Variants in GTF2B observed in about 807,000 individuals in gnomAD.
GTF2B encodes the protein general transcription factor IIB.
In GTF2B, 20 loss-of-function variants were observed where a neutral mutation model predicts 34.6. That is an observed-to-expected ratio of 0.58 (90% CI 0.41 to 0.84). The LOEUF (loss-of-function observed/expected upper bound fraction) is 0.84, where lower values mean the gene tolerates loss of function less well. Ranked by LOEUF, GTF2B falls within the 40% of genes least tolerant of loss-of-function variation. GTF2B has a pLI of 0.00. For missense variants in GTF2B, 237 were observed against 393.3 expected (o/e 0.60, Z 3.36); for synonymous variants, 142 against 132.4 (o/e 1.07, Z -0.50).
In GTF2B at chr1:88,864,095, C is replaced by T. The variant is rs748771103; in HGVS notation, c.144G>A (p.Val48=). ...TGCTGAAAGTTCGCCATTCAGATCC[C>T]ACATCAATAACCCGGTCACCTAAGA... The part of the protein sequence containing the change: ...GLVVGDRVID[V]GSEWRTFSND... Residue 48 remains valine (V), a synonymous_variant, in exon 3 of 7, where the codon GTG becomes GTA. Coordinates refer to ENST00000370500, the MANE Select transcript of GTF2B (RefSeq NM_001514.6). The T allele has an allele frequency of 1.9e-6, 3 of 1,613,978 alleles. No individual in the cohort carries two copies. The South Asian group carries it at 3.3e-5, about 18-fold the overall frequency.
intron 2 of GTF2B, among the ~76,000 whole-genome samples, chr1:88,871,272 T>C (rs1673688391): frequency 6.6e-6 from 1 of 152,218 alleles, no homozygotes; most frequent in Non-Finnish European, 1.5e-5. Flanking sequence ...AATACTTACA[T>C]GTTAGGATAA....
At chr1:88,883,726 C>T (rs1673996533) in intron 2 of GTF2B, among the ~76,000 whole-genome samples, 1 of 152,050 alleles carries the variant, frequency 6.6e-6, no homozygotes. Context: ...GTTCATTGTT[C>T]ACAATTACTG....
intron 2 of GTF2B, among the ~76,000 whole-genome samples, chr1:88,874,691 A>T (rs1401713092): frequency 6.6e-6 from 1 of 151,924 alleles, no homozygotes; most frequent in Non-Finnish European, 1.5e-5. Flanking sequence ...CCAGAATTTC[A>T]ATTCTTTCTG....
intron 1 of GTF2B, among the ~76,000 whole-genome samples, chr1:88,890,922 T>G (rs933014454): frequency 3.9e-5 from 6 of 152,052 alleles, no homozygotes; most frequent in Admixed American, 1.3e-4. Context: ...TAATCAACTC[T>G]TCCGATGGCT....
rs1673847138 is a variant in GTF2B at position 88,877,732 on chromosome 1, G to C, written c.124+9529C>G. 2.6e-5 allele frequency among the ~76,000 whole-genome samples: 4 copies of C among 152,330 alleles called. No individual in the cohort carries two copies. In the South Asian group the frequency reaches 8.3e-4, roughly 32 times the overall value. ...GTATCACTTGAGGTAAGGAGTTTGAGAACAGCCTGGCCTATATGGCGAAAC... is the reference window on the plus strand; with the variant it reads ...GTATCACTTGAGGTAAGGAGTTTGACAACAGCCTGGCCTATATGGCGAAAC... On this transcript the variant is annotated intron_variant, in intron 2 of 6. Transcript: ENST00000370500.
intron 6 of GTF2B, among the ~76,000 whole-genome samples, chr1:88,855,413 T>C (rs987810280): frequency 6.8e-6 from 1 of 147,474 alleles, no homozygotes; most frequent in East Asian, 2.0e-4. Context: ...AGTACAGTGG[T>C]GCAATCTAGG....
chr1:88,855,158 TA>T (rs1021628038), intron 6 of GTF2B, among the ~76,000 whole-genome samples: 2 of 152,310 alleles, frequency 1.3e-5, no homozygotes, highest in East Asian at 1.9e-4. Context: ...TCAATTTTAC[TA>T]AAAGACTCAA....
At chr1:88,889,484 C>A (rs1674150678) in intron 1 of GTF2B, among the ~76,000 whole-genome samples, 1 of 152,224 alleles carries the variant, frequency 6.6e-6, no homozygotes, top group East Asian at 1.9e-4. Context: ...TGGGCATGGA[C>A]TGTATTACTT....
chr1:88,862,119 C>T (rs984616992), intron 3 of GTF2B, among the ~76,000 whole-genome samples: 4 of 152,118 alleles, frequency 2.6e-5, no homozygotes, highest in African/African-American at 9.7e-5. Flanking sequence ...AAAACTAGTG[C>T]TACTAAATAC....
chr1:88,853,507 T>C (rs2794316), intron 6 of GTF2B, among the ~76,000 whole-genome samples, 161 bp from the exon 7 acceptor site: 4,719 of 152,072 alleles, frequency 0.031, 108 homozygotes, highest in Non-Finnish European at 0.046. Flanking sequence ...TACTAAAAGG[T>C]AGAAAGCGGG....
In GTF2B at chr1:88,857,451, ATTTC is replaced by A; in HGVS notation, c.568_571del (p.Glu190LeufsTer9). On this transcript the variant is annotated frameshift_variant, in exon 6 of 7. Transcript: ENST00000370500. LOFTEE classifies it high-confidence loss of function. ...CAAAATAAGTTTAAAACACCGACCA[ATTTC>A]TTTCTTAGAAATTCGTGATACGGCA... 1 of 1,602,312 alleles carries A rather than the reference ATTTC, an allele frequency of 6.2e-7. No homozygotes were observed. The highest frequency in any genetic ancestry group is 1.1e-5 in the South Asian group (1 of 90,248).
Position 88,857,205 on chromosome 1 carries a change from C to T in GTF2B, c.817+1G>A, listed in dbSNP as rs946879140. ...CCACACTTCCTGATGACGAACCCTA[C>T]CTTTTTGGGTCCTCTTTTCAGCTGA... is the stretch of plus-strand genomic sequence containing the variant. On this transcript the variant is annotated splice_donor_variant, in intron 6 of 6. Transcript: ENST00000370500. LOFTEE classifies it high-confidence loss of function. The T allele has an allele frequency of 4.4e-6, 7 of 1,603,600 alleles. No individual in the cohort carries two copies. The highest frequency in any genetic ancestry group is 5.1e-6 in the Non-Finnish European group (6 of 1,175,746).
At chr1:88,868,165 C>G (rs538215495) in intron 2 of GTF2B, among the ~76,000 whole-genome samples, 1 of 152,162 alleles carries the variant, frequency 6.6e-6, no homozygotes, top group East Asian at 1.9e-4. Flanking sequence ...AAGAAAGCTG[C>G]GAGACAAAAC....
At chr1:88,861,299 T>C (rs1395813415) in intron 3 of GTF2B, among the ~76,000 whole-genome samples, 1 of 152,218 alleles carries the variant, frequency 6.6e-6, no homozygotes, top group Non-Finnish European at 1.5e-5. Flanking sequence ...ACAAGATTTA[T>C]TATGAAGAAG....
At chr1:88,870,659 G>A (rs1673670610) in intron 2 of GTF2B, among the ~76,000 whole-genome samples, 1 of 151,796 alleles carries the variant, frequency 6.6e-6, no homozygotes, top group Non-Finnish European at 1.5e-5. Flanking sequence ...CCCCATCAGT[G>A]GCAAAAAACA....
At chr1:88,879,824 G>A (rs1376990852) in intron 2 of GTF2B, among the ~76,000 whole-genome samples, 1 of 152,060 alleles carries the variant, frequency 6.6e-6, no homozygotes, top group East Asian at 1.9e-4. Context: ...GGGAGGTCGA[G>A]GCGGGTGGAT....
intron 5 of GTF2B, among the ~76,000 whole-genome samples, 158 bp from the exon 6 acceptor site, chr1:88,857,645 C>T (rs1395580845): frequency 6.7e-6 from 1 of 148,394 alleles, no homozygotes; most frequent in African/African-American, 2.5e-5. Flanking sequence ...ATACTTCCCA[C>T]AGAGTTAACT....
At chr1:88,863,147 A>C (rs1432409757) in intron 3 of GTF2B, among the ~76,000 whole-genome samples, 2 of 152,210 alleles carry the variant, frequency 1.3e-5, no homozygotes, top group Middle Eastern at 3.2e-3. Flanking sequence ...CTGACTGAGC[A>C]CACAGTATAC....
At chr1:88,890,200 G>A (rs192919725) in intron 1 of GTF2B, among the ~76,000 whole-genome samples, 1 of 150,210 alleles carries the variant, frequency 6.7e-6, no homozygotes, top group East Asian at 1.9e-4. Flanking sequence ...TCGTATTTGA[G>A]TGATCTGGGG....
Sources: allele counts gnomAD v4.1 joint callset (sites outside exome capture counted in the v4.1 genomes callset), GRCh38; gene constraint gnomAD v4.1.1; transcripts MANE v1.5; gene names NCBI Gene and HGNC (gene_info 2026-07-23, HGNC 2026-07-21).